The following SLC24A5 variants were observed in gnomAD, a reference collection of about 807,000 sequenced individuals.
The protein encoded by SLC24A5 is solute carrier family 24 member 5, also known as sodium/potassium/calcium exchanger 5.
A neutral mutation model predicts 51.6 loss-of-function variants in SLC24A5; 46 were observed. The ratio of observed to expected loss-of-function variants is 0.89; its 90% CI spans 0.70 to 1.14. SLC24A5 has a LOEUF of 1.14. Among genes scored for constraint, SLC24A5 ranks in the 50% most tolerant of loss-of-function variants. SLC24A5 has a pLI of 0.00. For synonymous variants in SLC24A5, 230 were observed against 214.9 expected (o/e 1.07, Z -0.62); for missense variants, 581 against 604.1 (o/e 0.96, Z 0.40).
In SLC24A5 at chr15:48,121,981, C is replaced by T. The variant is rs758848285; in HGVS notation, c.246C>T (p.Ala82=). 4.3e-6 allele frequency: 7 copies of T among 1,614,010 alleles called. No individual in the cohort carries two copies. Among genetic ancestry groups the T allele is most frequent in the African/African-American group, 2.7e-5 (2 of 74,924 alleles). Residue 82 remains alanine (A), a synonymous_variant, in exon 2 of 9, where the codon GCC becomes GCT. Coordinates refer to ENST00000341459, the MANE Select transcript of SLC24A5 (RefSeq NM_205850.3). ...YFLIIVYMFM[A]ISIVCDEYFL... is the part of the protein sequence containing the mutation. ...TAATTATCGTTTACATGTTCATGGCCATATCTATTGTCTGTGATGAATACT... is the reference window on the plus strand; with the variant it reads ...TAATTATCGTTTACATGTTCATGGCTATATCTATTGTCTGTGATGAATACT...
In SLC24A5 at chr15:48,142,517, C is replaced by A; in HGVS notation, c.*166C>A. ...ACATCCTAATTTTTCTGAGCCCTTTCTTTTCATGAAAAATTACATATTATA... is the reference window on the plus strand; with the variant it reads ...ACATCCTAATTTTTCTGAGCCCTTTATTTTCATGAAAAATTACATATTATA... On this transcript the variant is annotated 3_prime_UTR_variant, in exon 9 of 9. Transcript: ENST00000341459. 1.8e-6 allele frequency: 1 copy of A among 541,494 alleles called. No individual in the cohort carries two copies. Among genetic ancestry groups the A allele is most frequent in the East Asian group, 3.1e-5 (1 of 32,006 alleles). The allele number at this position is 541,494 out of a possible 1,614,324, so 33.5% of individuals were successfully genotyped here.
At chr15:48,125,604 T>A (rs1334430331) in intron 2 of SLC24A5, among the ~76,000 whole-genome samples, 1 of 152,048 alleles carries the variant, frequency 6.6e-6, no homozygotes, top group Admixed American at 6.6e-5. Context: ...GACAAAAAAA[T>A]ATCAAATACC....
intron 2 of SLC24A5, among the ~76,000 whole-genome samples, chr15:48,131,950 A>G (rs972084734): frequency 1.3e-5 from 2 of 152,156 alleles, no homozygotes; most frequent in African/African-American, 4.8e-5. Context: ...ACCCCAAGGG[A>G]TAAAATTAAT....
chr15:48,138,833 G>A (rs1323796006), intron 6 of SLC24A5, 136 bp from the exon 7 acceptor site: 2 of 638,874 alleles, frequency 3.1e-6, no homozygotes, highest in African/African-American at 1.8e-5. Context: ...TATCAGTAAT[G>A]AGGTACTCAA....
chr15:48,142,449 C>A lies in SLC24A5; in HGVS notation c.*98C>A. 1 of 960,320 alleles carries A rather than the reference C, an allele frequency of 1.0e-6. No homozygotes were observed. The highest frequency in any genetic ancestry group is 1.5e-6 in the Non-Finnish European group (1 of 685,348). 59.5% of individuals were successfully genotyped at this position (960,320 alleles called of 1,614,324 possible). On this transcript the variant is annotated 3_prime_UTR_variant, in exon 9 of 9. Transcript: ENST00000341459. ...AAATCAAATTTTAAAAATCTTGAACCTTAGAATCTAAAACTTACAGTAATT... is the reference window on the plus strand; with the variant it reads ...AAATCAAATTTTAAAAATCTTGAACATTAGAATCTAAAACTTACAGTAATT...
At chr15:48,122,215 A>C in intron 2 of SLC24A5, 179 bp downstream of exon 2, 2 of 647,494 alleles carry the variant, frequency 3.1e-6, no homozygotes, top group Non-Finnish European at 5.5e-6. Context: ...CTTGGTAGTT[A>C]ATGTGAATCA....
chr15:48,139,442 G>A (rs923663457), intron 7 of SLC24A5: 8 of 261,602 alleles, frequency 3.1e-5, no homozygotes, highest in Non-Finnish European at 5.1e-5. Context: ...TTCATAGGAT[G>A]TCTTTTTATT....
chr15:48,125,190 A>G (rs546929240), intron 2 of SLC24A5, among the ~76,000 whole-genome samples: 134 of 151,712 alleles, frequency 8.8e-4, no homozygotes, highest in Non-Finnish European at 1.4e-3. Flanking sequence ...AGTATTCCAC[A>G]ATGTACTACA....
chr15:48,124,709 A>C (rs2038713401), intron 2 of SLC24A5: 1 of 152,218 alleles, frequency 6.6e-6, no homozygotes, highest in African/African-American at 2.4e-5. Context: ...AATATGTCTA[A>C]GTGACTTCCA....
Position 48,122,037 on chromosome 15 carries a change from G to A in SLC24A5, c.301+1G>A. On this transcript the variant is annotated splice_donor_variant, in intron 2 of 8. Coordinates refer to ENST00000341459, the MANE Select transcript of SLC24A5 (RefSeq NM_205850.3). LOFTEE classifies it high-confidence loss of function. ...CCCTCCCTGGAAATCATCAGTGAAT[G>A]TAAGTGGCTGGAAAGTTGCCCTGTA... The A allele has an allele frequency of 1.2e-6, 2 of 1,614,028 alleles. No homozygotes were observed. Among genetic ancestry groups the A allele is most frequent in the Admixed American group, 3.3e-5 (2 of 60,014 alleles).
chr15:48,136,685 A>G lies in SLC24A5; in HGVS notation c.593A>G (p.Tyr198Cys). Residue 198 changes from tyrosine (Y) to cysteine (C), a missense_variant and splice_region_variant, in exon 6 of 9, where the codon TAT becomes TGT. Tyr to Cys is a radical substitution (Grantham distance 194, BLOSUM62 -2). Transcript: ENST00000341459. ...GIIYDNQVYW[Y>C]EGALLLLIYG... ...AAACACAAATTTCTCTTTTGTAGGT[A>G]TGAAGGGGCTTTACTGCTTTTGATA... is the stretch of plus-strand genomic sequence containing the variant. The G allele has an allele frequency of 6.3e-7, 1 of 1,599,884 alleles. No individual in the cohort carries two copies. The highest frequency in any genetic ancestry group is 2.2e-5 in the East Asian group (1 of 44,652).
intron 2 of SLC24A5, among the ~76,000 whole-genome samples, chr15:48,130,665 T>A (rs938506): frequency 0.075 from 11,371 of 152,170 alleles, 1,138 homozygotes; most frequent in African/African-American, 0.22. Context: ...TCTAGCCCTG[T>A]TTTGATTTGG....
intron 2 of SLC24A5, among the ~76,000 whole-genome samples, chr15:48,129,402 T>C (rs1182960479): frequency 6.6e-6 from 1 of 152,264 alleles, no homozygotes; most frequent in African/African-American, 2.4e-5. Context: ...CAGTTTGCTG[T>C]TGCACTTCAT....
At position 48,142,307 on chromosome 15, in the gene SLC24A5, C is replaced by G. The variant is rs756901608; in HGVS notation, c.1459C>G (p.Leu487Val). The change falls in exon 9 of 9, where the codon CTT becomes GTT. Residue 487 changes from leucine (L) to valine (V), a missense_variant. Coordinates refer to ENST00000341459, the MANE Select transcript of SLC24A5 (RefSeq NM_205850.3). ...TGCTACATTATCAGTTCTATATGAA[C>G]TTGGAATTATTGGAAATAATAAAAT... ...GLATLSVLYE[L>V]GIIGNNKIRG... 6.2e-7 allele frequency: 1 copy of G among 1,609,770 alleles called. No homozygotes were observed. The highest frequency in any genetic ancestry group is 8.5e-7 in the Non-Finnish European group (1 of 1,177,898).
At chr15:48,139,810 G>A (rs930220823) in intron 7 of SLC24A5, 2 of 151,984 alleles carry the variant, frequency 1.3e-5, no homozygotes, top group African/African-American at 2.4e-5. Flanking sequence ...TCCTACAAAG[G>A]TTAACCCAAA....
intron 1 of SLC24A5, 110 bp downstream of exon 1, chr15:48,121,275 T>C: frequency 8.4e-7 from 1 of 1,186,518 alleles, no homozygotes; most frequent in Admixed American, 3.1e-5. Flanking sequence ...TCACTTTTAC[T>C]TACGCTTCTG....
chr15:48,121,197 AGCAGCAGCTGCT>A, intron 1 of SLC24A5, 32 bp downstream of exon 1: 1 of 1,570,672 alleles, frequency 6.4e-7, no homozygotes, highest in South Asian at 1.2e-5. Flanking sequence ...TTAGCTCTGC[AGCAGCAGCTGCT>A]GCTGCTGCTA....
intron 4 of SLC24A5, 124 bp downstream of exon 4, chr15:48,134,662 A>T (rs1040449084): frequency 1.4e-5 from 11 of 762,972 alleles, no homozygotes; most frequent in Non-Finnish European, 2.3e-5. Context: ...AATCAGTAGA[A>T]AAACAACATG....
At chr15:48,140,411 A>G (rs1382887720) in intron 7 of SLC24A5, 1 of 152,120 alleles carries the variant, frequency 6.6e-6, no homozygotes, top group Non-Finnish European at 1.5e-5. Flanking sequence ...CGCTAAACCA[A>G]GTTTTCAATT....
Sources: allele counts gnomAD v4.1 joint callset (sites outside exome capture counted in the v4.1 genomes callset), GRCh38; gene constraint gnomAD v4.1.1; transcripts MANE v1.5; gene names NCBI Gene and HGNC (gene_info 2026-07-23, HGNC 2026-07-21).